The following GOLM2 variants were observed in gnomAD, a reference collection of about 807,000 sequenced individuals.
GOLM2 encodes the protein golgi membrane protein 2.
GOLM2 carries 26 observed loss-of-function variants against 55.9 expected under a neutral mutation model. That is an observed-to-expected ratio of 0.47 (90% CI 0.34 to 0.65). The LOEUF (loss-of-function observed/expected upper bound fraction) is 0.65, where lower values mean the gene tolerates loss of function less well. Among genes scored for constraint, GOLM2 ranks in the 30% least tolerant of loss-of-function variants. The pLI, the probability that GOLM2 is intolerant of heterozygous loss-of-function variation, is 0.01. For synonymous variants in GOLM2, 165 were observed against 194.6 expected (o/e 0.85, Z 1.27); for missense variants, 486 against 531.8 (o/e 0.91, Z 0.85).
rs571371918 is a variant in GOLM2 at position 44,324,311 on chromosome 15, A to G, written c.382+1292A>G. Among the ~76,000 whole-genome samples the G allele has an allele frequency of 8.5e-5, 13 of 152,280 alleles. No individual in the cohort carries two copies. The South Asian group carries it at 2.7e-3, about 32-fold the overall frequency. ...ACTGAGTAAAAATCTTTATTGTACC[A>G]TATGTGTTGGAGTAGATCTTGAGAT... On this transcript the variant is annotated intron_variant, in intron 2 of 9. Coordinates refer to ENST00000299957, the MANE Select transcript of GOLM2 (RefSeq NM_138423.4).
intron 1 of GOLM2, among the ~76,000 whole-genome samples, chr15:44,304,028 C>T (rs538551293): frequency 6.6e-6 from 1 of 150,680 alleles, no homozygotes; most frequent in Admixed American, 6.6e-5. Flanking sequence ...CGGTGCCTGG[C>T]CACACCTGGC....
At chr15:44,319,378 A>G (rs368447304) in intron 1 of GOLM2, among the ~76,000 whole-genome samples, 1 of 151,724 alleles carries the variant, frequency 6.6e-6, no homozygotes, top group Non-Finnish European at 1.5e-5. Context: ...ATGCTCGACT[A>G]ATCTGTTTAT....
intron 6 of GOLM2, among the ~76,000 whole-genome samples, chr15:44,339,204 G>A (rs1041806192): frequency 6.6e-6 from 1 of 151,880 alleles, no homozygotes; most frequent in African/African-American, 2.4e-5. Flanking sequence ...AATTCTTATG[G>A]GTTTCCAATT....
intron 1 of GOLM2, among the ~76,000 whole-genome samples, chr15:44,318,187 A>G (rs868573368): frequency 2.6e-5 from 4 of 152,172 alleles, no homozygotes; most frequent in Admixed American, 6.5e-5. Flanking sequence ...TAATTCATAT[A>G]TCATAAAATC....
intron 1 of GOLM2, among the ~76,000 whole-genome samples, chr15:44,306,593 T>C (rs185668570): frequency 6.6e-6 from 1 of 152,336 alleles, no homozygotes; most frequent in East Asian, 1.9e-4. Flanking sequence ...TTTGGCTGTT[T>C]GGCACAAGAG....
intron 1 of GOLM2, among the ~76,000 whole-genome samples, chr15:44,298,378 C>G (rs2078772885): frequency 6.6e-6 from 1 of 151,396 alleles, no homozygotes; most frequent in African/African-American, 2.4e-5. Context: ...ATTCTCTAGC[C>G]TCAGCCTCCC....
intron 6 of GOLM2, among the ~76,000 whole-genome samples, chr15:44,378,027 T>C (rs1373354399): frequency 6.7e-6 from 1 of 148,840 alleles, no homozygotes; most frequent in Non-Finnish European, 1.5e-5. Flanking sequence ...ATATATATTT[T>C]TTAAATTATT....
chr15:44,373,783 T>A (rs2079346168), intron 6 of GOLM2, among the ~76,000 whole-genome samples: 2 of 151,744 alleles, frequency 1.3e-5, no homozygotes, highest in African/African-American at 4.8e-5. Flanking sequence ...AAAAAACAGA[T>A]CTTGGCATAT....
At chr15:44,341,493 G>T (rs185430120) in intron 6 of GOLM2, among the ~76,000 whole-genome samples, 3 of 152,062 alleles carry the variant, frequency 2.0e-5, no homozygotes, top group Non-Finnish European at 2.9e-5. Context: ...GGAAATTCCA[G>T]TGTTTAGGGT....
intron 6 of GOLM2, among the ~76,000 whole-genome samples, chr15:44,369,693 TACACAC>T (rs3986148): frequency 0.32 from 46,604 of 143,454 alleles, 8,578 homozygotes; most frequent in Middle Eastern, 0.5. Context: ...TATATATGCA[TACACAC>T]ACACACACAC....
intron 8 of GOLM2, among the ~76,000 whole-genome samples, chr15:44,398,475 G>A (rs565770870): frequency 1.3e-5 from 2 of 151,934 alleles, no homozygotes; most frequent in East Asian, 1.9e-4. Flanking sequence ...ATTTATTTTT[G>A]TATCACAGTG....
intron 1 of GOLM2, among the ~76,000 whole-genome samples, chr15:44,313,758 G>A (rs1413540182): frequency 6.6e-6 from 1 of 152,092 alleles, no homozygotes; most frequent in Non-Finnish European, 1.5e-5. Flanking sequence ...CAAATCCTTT[G>A]TATCCCTAGG....
At chr15:44,391,662 T>A (rs905900820) in intron 8 of GOLM2, among the ~76,000 whole-genome samples, 2 of 152,070 alleles carry the variant, frequency 1.3e-5, no homozygotes, top group Non-Finnish European at 2.9e-5. Flanking sequence ...TAAGAGGTAT[T>A]ATTAATTTAA....
intron 8 of GOLM2, chr15:44,389,929 C>A (rs1050682309): frequency 2.0e-5 from 3 of 152,224 alleles, no homozygotes; most frequent in African/African-American, 7.2e-5. Context: ...GTCCTCCCAC[C>A]TCAGTGTCCC....
chr15:44,380,872 G>T lies in GOLM2; in HGVS notation c.968G>T (p.Arg323Leu), dbSNP rs564743314. 2 of 1,598,144 alleles carry T rather than the reference G, an allele frequency of 1.3e-6. No individual in the cohort carries two copies. The highest frequency in any genetic ancestry group is 1.7e-6 in the Non-Finnish European group (2 of 1,171,760). The change falls in exon 8 of 10, where the codon CGT (arginine) becomes CTT (leucine). Residue 323 changes from arginine to leucine, a missense_variant. Transcript: ENST00000299957. Reference protein sequence around the residue: ...SKQNPSSPLQRLIPGSNLDSE... With the variant: ...SKQNPSSPLQLLIPGSNLDSE... The stretch of plus-strand genomic sequence containing the variant: ...CAGAATCCTTCCAGTCCTCTTCAGC[G>T]TTTAATTCCAGGCTCAAACTTGGAC...
At chr15:44,301,926 A>C (rs1279907619) in intron 1 of GOLM2, among the ~76,000 whole-genome samples, 1 of 151,588 alleles carries the variant, frequency 6.6e-6, no homozygotes, top group African/African-American at 2.4e-5. Flanking sequence ...AAAAAAAAAA[A>C]ACTTAGGAGC....
intron 6 of GOLM2, among the ~76,000 whole-genome samples, chr15:44,342,290 G>T (rs1457601184): frequency 6.6e-6 from 1 of 151,370 alleles, no homozygotes; most frequent in Non-Finnish European, 1.5e-5. Context: ...TTTGGGACAG[G>T]GTCTTGCTCT....
chr15:44,359,858 G>C (rs1225227915), intron 6 of GOLM2, among the ~76,000 whole-genome samples: 2 of 152,230 alleles, frequency 1.3e-5, no homozygotes, highest in African/African-American at 2.4e-5. Flanking sequence ...GATCTCTCGG[G>C]AGAAACTCGA....
intron 6 of GOLM2, among the ~76,000 whole-genome samples, chr15:44,373,180 G>A (rs535347540): frequency 1.3e-5 from 2 of 152,304 alleles, no homozygotes; most frequent in Admixed American, 1.3e-4. Flanking sequence ...CTGGGCGGCC[G>A]GGCACGGTGG....
Sources: gnomAD v4.1 joint callset for allele counts (sites outside exome capture counted in the v4.1 genomes callset) on GRCh38, gnomAD v4.1.1 for gene constraint, MANE v1.5 for transcripts, NCBI Gene and HGNC (gene_info 2026-07-23, HGNC 2026-07-21) for gene names.